The following ZNF780A variants were observed in gnomAD, a reference collection of about 807,000 sequenced individuals.
The protein encoded by ZNF780A is zinc finger protein 780A.
ZNF780A carries 40 observed loss-of-function variants against 56.7 expected under a neutral mutation model. The observed-to-expected ratio is 0.71, with a 90% CI of 0.55 to 0.92. The LOEUF is 0.92. ZNF780A is among the 40% of genes least tolerant of loss of function. The pLI is 0.00. For synonymous variants in ZNF780A, 231 were observed against 248.3 expected (o/e 0.93, Z 0.66); for missense variants, 672 against 783.3 (o/e 0.86, Z 1.70).
At chr19:40,085,974 G>A (rs1319949151) in intron 2 of ZNF780A, among the ~76,000 whole-genome samples, 1 of 149,162 alleles carries the variant, frequency 6.7e-6, no homozygotes, top group African/African-American at 2.5e-5. Flanking sequence ...ATGTGTGTGT[G>A]TATATATATA....
chr19:40,083,314 T>C (rs990415743), intron 3 of ZNF780A, 77 bp from the exon 4 acceptor site: 13 of 1,579,234 alleles, frequency 8.2e-6, no homozygotes, highest in Non-Finnish European at 1.1e-5. Flanking sequence ...AGTGAAGGAG[T>C]GTAGTGTAAG....
rs189493198 is a variant in ZNF780A at position 40,073,427 on chromosome 19, G to A, written c.*1089C>T. ...TAAAGACATGAAATGCACACCTGACGTTGGGAAAATGGACCTGATCGTCTT... is the reference window on the plus strand; with the variant it reads ...TAAAGACATGAAATGCACACCTGACATTGGGAAAATGGACCTGATCGTCTT... On this transcript the variant is annotated 3_prime_UTR_variant, in exon 6 of 6. Transcript: ENST00000683561. 3.2e-3 allele frequency: 2,087 copies of A among 655,370 alleles called. 7 individuals are homozygous for A. The highest frequency in any genetic ancestry group is 3.8e-3 in the Non-Finnish European group (1,999 of 529,972). The allele number at this position is 655,370 out of a possible 1,614,324, so 40.6% of individuals were successfully genotyped here.
intron 4 of ZNF780A, 103 bp downstream of exon 4, chr19:40,083,008 A>G: frequency 1.3e-6 from 2 of 1,580,112 alleles, no homozygotes; most frequent in African/African-American, 1.3e-5. Flanking sequence ...AACAAGAAGA[A>G]GGAATTCAGC....
chr19:40,086,313 T>C (rs1974793277), intron 2 of ZNF780A, among the ~76,000 whole-genome samples: 1 of 152,176 alleles, frequency 6.6e-6, no homozygotes, highest in South Asian at 2.1e-4. Context: ...TGATAGTCTA[T>C]TTCTACTTTT....
intron 2 of ZNF780A, chr19:40,085,247 G>C: frequency 1.6e-5 from 16 of 985,438 alleles, no homozygotes; most frequent in Non-Finnish European, 1.8e-5. Context: ...GTGGGGGAAG[G>C]CATGAGAACT....
chr19:40,073,038 C>T (rs1422516443), downstream of ZNF780A: 2 of 1,488,506 alleles, frequency 1.3e-6, no homozygotes, highest in Non-Finnish European at 1.8e-6. Flanking sequence ...AATTATGGTA[C>T]AATGGCTATA....
At position 40,073,971 on chromosome 19, in the gene ZNF780A, A is replaced by T; in HGVS notation, c.*545T>A. On this transcript the variant is annotated 3_prime_UTR_variant, in exon 6 of 6. Coordinates refer to ENST00000683561, the MANE Select transcript of ZNF780A (RefSeq NM_001142578.2). ...AGTATGAATTTTAACATGTTGAACA[A>T]TGTTTGAGCTACAACTAAAGGTCTT... The T allele has an allele frequency of 9.4e-7, 1 of 1,058,268 alleles. No individual in the cohort carries two copies. Among genetic ancestry groups the T allele is most frequent in the Non-Finnish European group, 1.1e-6 (1 of 870,354 alleles). 65.6% of individuals were successfully genotyped at this position (1,058,268 alleles called of 1,614,324 possible).
At chr19:40,084,717 CA>C (rs1189801763) in intron 3 of ZNF780A, 27 bp downstream of exon 3, 25 of 1,548,610 alleles carry the variant, frequency 1.6e-5, no homozygotes, top group Non-Finnish European at 2.2e-5. Flanking sequence ...CACCATATTT[CA>C]AGGAAAAGAG....
At position 40,083,115 on chromosome 19, in the gene ZNF780A, T is replaced by C; in HGVS notation, c.132A>G (p.Ser44=). The C allele has an allele frequency of 6.2e-7, 1 of 1,613,474 alleles. No individual in the cohort carries two copies. The highest frequency in any genetic ancestry group is 8.5e-7 in the Non-Finnish European group (1 of 1,179,412). Residue 44 remains serine, a synonymous_variant, in exon 4 of 6, where the codon TCA becomes TCG. Transcript: ENST00000683561. ...VMLENYSHLI[S]LGSSISKPDV... ...GCTGGGACTCAACGACCTTACCCAG[T>C]GAGATCAGGTGGCTGTAGTTCTCCA...
At chr19:40,076,351 A>G in intron 5 of ZNF780A, 142 bp from the exon 6 acceptor site, 1 of 818,116 alleles carries the variant, frequency 1.2e-6, no homozygotes, top group Non-Finnish European at 1.8e-6. Flanking sequence ...AAGTTGGTAG[A>G]TAGAACCTTT....
At chr19:40,087,951 A>C (rs73549833) in intron 2 of ZNF780A, among the ~76,000 whole-genome samples, 14,077 of 152,138 alleles carry the variant, frequency 0.093, 1,148 homozygotes, top group African/African-American at 0.21. Flanking sequence ...AAAAGTAGGT[A>C]TCCATATGCA....
downstream of ZNF780A, chr19:40,070,406 T>G (rs1477570454): frequency 6.6e-6 from 1 of 152,190 alleles, no homozygotes; most frequent in Non-Finnish European, 1.5e-5. Context: ...TGGTTCAAGG[T>G]CCACCAATCT....
At chr19:40,072,957 G>C (rs948034984), downstream of ZNF780A, 20 of 1,541,906 alleles carry the variant, frequency 1.3e-5, no homozygotes, top group Middle Eastern at 8.4e-4. Flanking sequence ...TGTAAAAGAT[G>C]GTTTGGAAGC....
intron 5 of ZNF780A, among the ~76,000 whole-genome samples, chr19:40,078,732 G>A (rs1377210378): frequency 6.6e-6 from 1 of 152,166 alleles, no homozygotes; most frequent in Non-Finnish European, 1.5e-5. Context: ...CCAGGCAAAA[G>A]CTGAGGGCAG....
In ZNF780A at chr19:40,074,048, T is replaced by G. The variant is rs948072660; in HGVS notation, c.*468A>C. On this transcript the variant is annotated 3_prime_UTR_variant, in exon 6 of 6. Coordinates refer to ENST00000683561, the MANE Select transcript of ZNF780A (RefSeq NM_001142578.2). ...TCATACCAGTATGAATTCTTTGATGTGCAGTCAGGACCAAACTAAATCTGA... is the reference window on the plus strand; with the variant it reads ...TCATACCAGTATGAATTCTTTGATGGGCAGTCAGGACCAAACTAAATCTGA... The G allele has an allele frequency of 1.6e-6, 2 of 1,226,820 alleles. No individual in the cohort carries two copies. The highest frequency in any genetic ancestry group is 1.0e-6 in the Non-Finnish European group (1 of 964,126). The allele number at this position is 1,226,820 out of a possible 1,614,324, so 76.0% of individuals were successfully genotyped here.
chr19:40,083,218 T>G lies in ZNF780A; in HGVS notation c.29A>C (p.Asp10Ala). 6.2e-7 allele frequency: 1 copy of G among 1,614,124 alleles called. No individual in the cohort carries two copies. Among genetic ancestry groups the G allele is most frequent in the Non-Finnish European group, 8.5e-7 (1 of 1,180,030 alleles). Residue 10 changes from aspartate (D) to alanine (A), a missense_variant, in exon 4 of 6, where the codon GAT (aspartate) becomes GCT (alanine). Transcript: ENST00000683561. ...CTCCTGAGAGAAGTCAATGGCCACATCCCTGAATGTCACTGATCCCTGAAA... is the reference window on the plus strand; with the variant it reads ...CTCCTGAGAGAAGTCAATGGCCACAGCCCTGAATGTCACTGATCCCTGAAA... Reference protein sequence around the residue: MVHGSVTFRDVAIDFSQEEW... With the variant: MVHGSVTFRAVAIDFSQEEW...
At chr19:40,086,263 A>T (rs1974790426) in intron 2 of ZNF780A, among the ~76,000 whole-genome samples, 1 of 126,138 alleles carries the variant, frequency 7.9e-6, no homozygotes, top group Non-Finnish European at 1.6e-5. Context: ...TCTAGAAAAA[A>T]TTGTCTACAA....
At chr19:40,080,162 T>A (rs1974389875) in intron 5 of ZNF780A, among the ~76,000 whole-genome samples, 1 of 152,054 alleles carries the variant, frequency 6.6e-6, no homozygotes. Context: ...AGTAATAAAA[T>A]GTCACCCAAA....
intron 2 of ZNF780A, among the ~76,000 whole-genome samples, chr19:40,085,933 C>T (rs1279868526): frequency 6.7e-6 from 1 of 149,596 alleles, no homozygotes; most frequent in African/African-American, 2.5e-5. Flanking sequence ...TAGTTATATT[C>T]ACACACACAC....
Sources: allele counts gnomAD v4.1 joint callset (sites outside exome capture counted in the v4.1 genomes callset), GRCh38; gene constraint gnomAD v4.1.1; transcripts MANE v1.5; gene names NCBI Gene and HGNC (gene_info 2026-07-23, HGNC 2026-07-21).